The following NTM variants were observed in gnomAD, a reference collection of about 807,000 sequenced individuals.
NTM encodes the protein IgLON family member 2.
Under a neutral mutation model 42.1 loss-of-function variants are expected in NTM, and 13 were observed. The ratio of observed to expected loss-of-function variants is 0.31; its 90% CI spans 0.20 to 0.49. The LOEUF (loss-of-function observed/expected upper bound fraction) is 0.49. Among genes scored for constraint, NTM ranks in the 20% least tolerant of loss-of-function variants. The pLI is 0.99. For synonymous variants in NTM, 187 were observed against 179.2 expected (o/e 1.04, Z -0.35); for missense variants, 373 against 452.8 (o/e 0.82, Z 1.60).
At chr11:132,142,461 T>C (rs539402509) in intron 2 of NTM, among the ~76,000 whole-genome samples, 106 of 152,336 alleles carry the variant, frequency 7.0e-4, no homozygotes, top group Non-Finnish European at 1.4e-3. Context: ...GCCTTCTCTG[T>C]GGCTGAGAGA....
At chr11:132,215,550 G>A (rs1050745649) in intron 4 of NTM, among the ~76,000 whole-genome samples, 8 of 152,172 alleles carry the variant, frequency 5.3e-5, no homozygotes, top group Non-Finnish European at 1.2e-4. Flanking sequence ...AGGTGGAAAC[G>A]GAGATGGAGG....
At chr11:132,134,744 T>TG (rs2067507769) in intron 2 of NTM, among the ~76,000 whole-genome samples, 1 of 130,882 alleles carries the variant, frequency 7.6e-6, no homozygotes, top group Non-Finnish European at 1.7e-5. Flanking sequence ...TATATATATA[T>TG]ATATATATAT....
At chr11:131,683,012 G>A (rs925051910) in intron 1 of NTM, among the ~76,000 whole-genome samples, 45 of 152,164 alleles carry the variant, frequency 3.0e-4, no homozygotes, top group African/African-American at 1.0e-3. Flanking sequence ...ACGCAAGCAC[G>A]TGCAAGGACG....
At chr11:131,597,752 C>T (rs1159256682) in intron 1 of NTM, among the ~76,000 whole-genome samples, 3 of 152,162 alleles carry the variant, frequency 2.0e-5, no homozygotes, top group South Asian at 2.1e-4. Context: ...AATTTCCTAC[C>T]GTCGGTCTGT....
chr11:131,535,721 C>A (rs969570899), intron 1 of NTM: 3 of 152,232 alleles, frequency 2.0e-5, no homozygotes, highest in African/African-American at 7.2e-5. Flanking sequence ...CCTTGATTCT[C>A]ACCTGCCTCC....
intron 2 of NTM, among the ~76,000 whole-genome samples, chr11:131,938,138 A>G (rs1476356608): frequency 6.6e-6 from 1 of 152,222 alleles, no homozygotes; most frequent in Non-Finnish European, 1.5e-5. Context: ...GCCCTCATGG[A>G]AGTCACCTTT....
intron 1 of NTM, among the ~76,000 whole-genome samples, chr11:131,676,683 C>T (rs2071463666): frequency 6.6e-6 from 1 of 152,206 alleles, no homozygotes; most frequent in Non-Finnish European, 1.5e-5. Flanking sequence ...AAGAAGTCTG[C>T]CTGGTGCACT....
At chr11:131,958,616 G>C (rs192943295) in intron 2 of NTM, among the ~76,000 whole-genome samples, 114 of 152,288 alleles carry the variant, frequency 7.5e-4, no homozygotes, top group African/African-American at 2.5e-3. Context: ...TGAAACAAAA[G>C]AGCCTTGAAG....
intron 1 of NTM, chr11:131,661,308 T>C (rs544478362): frequency 8.4e-6 from 2 of 239,308 alleles, no homozygotes; most frequent in South Asian, 6.5e-5. Context: ...GTCAGCTACA[T>C]TGCTGTGAGT....
chr11:131,795,634 C>G (rs2091468857), intron 1 of NTM: 1 of 985,262 alleles, frequency 1.0e-6, no homozygotes, highest in South Asian at 4.7e-5. Context: ...GAGCTTGATT[C>G]CCATGTAGGC....
At chr11:131,543,577 G>A (rs2053556275) in intron 1 of NTM, among the ~76,000 whole-genome samples, 1 of 152,158 alleles carries the variant, frequency 6.6e-6, no homozygotes, top group South Asian at 2.1e-4. Context: ...AAGACCTTGG[G>A]GGTTTGCCTG....
At chr11:131,587,226 A>T (rs1471124989) in intron 1 of NTM, among the ~76,000 whole-genome samples, 1 of 152,198 alleles carries the variant, frequency 6.6e-6, no homozygotes, top group Non-Finnish European at 1.5e-5. Flanking sequence ...AGGTGGGCAG[A>T]TCACGAGGTC....
intron 1 of NTM, among the ~76,000 whole-genome samples, chr11:131,506,797 G>A (rs2136421225): frequency 6.6e-6 from 1 of 152,232 alleles, no homozygotes; most frequent in South Asian, 2.1e-4. Flanking sequence ...AGGGCTCATG[G>A]ACACAAGACC....
At chr11:132,084,305 C>T (rs2059437460) in intron 2 of NTM, among the ~76,000 whole-genome samples, 2 of 152,108 alleles carry the variant, frequency 1.3e-5, no homozygotes, top group African/African-American at 2.4e-5. Flanking sequence ...GTTTATAATA[C>T]TTAACACCCT....
chr11:132,193,550 A>G (rs2079655865), intron 3 of NTM, among the ~76,000 whole-genome samples: 1 of 152,118 alleles, frequency 6.6e-6, no homozygotes, highest in Non-Finnish European at 1.5e-5. Flanking sequence ...AAAAACTTAC[A>G]TCAAGAAATT....
chr11:132,153,353 G>A (rs910337012), intron 3 of NTM, among the ~76,000 whole-genome samples: 10 of 152,178 alleles, frequency 6.6e-5, no homozygotes, highest in African/African-American at 2.4e-4. Flanking sequence ...ATATGAGAGT[G>A]CTGATTTATT....
intron 2 of NTM, among the ~76,000 whole-genome samples, chr11:132,065,546 G>A (rs2056345376): frequency 6.6e-6 from 1 of 151,894 alleles, no homozygotes; most frequent in Non-Finnish European, 1.5e-5. Context: ...ACAGATCTAG[G>A]TTACAGTATC....
chr11:131,995,615 T>G (rs1157397438), intron 2 of NTM, among the ~76,000 whole-genome samples: 2 of 151,984 alleles, frequency 1.3e-5, no homozygotes, highest in African/African-American at 4.8e-5. Context: ...GAGAGGAGAC[T>G]GGTGCTCAGC....
chr11:131,876,768 A>T (rs770948275), intron 1 of NTM, among the ~76,000 whole-genome samples: 6 of 152,238 alleles, frequency 3.9e-5, no homozygotes, highest in Non-Finnish European at 7.3e-5. Context: ...TGGCTATGCT[A>T]GAACCGTAGT....
Sources: allele counts gnomAD v4.1 joint callset (sites outside exome capture counted in the v4.1 genomes callset), GRCh38; gene constraint gnomAD v4.1.1; transcripts MANE v1.5; gene names NCBI Gene and HGNC (gene_info 2026-07-23, HGNC 2026-07-21).